Variants in PARP8 observed in about 807,000 individuals in gnomAD.
PARP8 encodes the protein poly(ADP-ribose) polymerase family member 8.
A neutral mutation model predicts 124.1 loss-of-function variants in PARP8; 51 were observed. That is an observed-to-expected ratio of 0.41 (90% confidence interval 0.33 to 0.52). The LOEUF (loss-of-function observed/expected upper bound fraction) is 0.52. PARP8 is among the 20% of genes least tolerant of loss of function. The pLI is 0.21. For synonymous variants in PARP8, 391 were observed against 361.5 expected (o/e 1.08, Z -0.93); for missense variants, 860 against 1,018.9 (o/e 0.84, Z 2.12).
chr5:50,748,919 ATTCT>A (rs1420953846), intron 2 of PARP8, among the ~76,000 whole-genome samples: 1 of 152,116 alleles, frequency 6.6e-6, no homozygotes, highest in Non-Finnish European at 1.5e-5. Flanking sequence ...TTTCTGCATT[ATTCT>A]TTCTTTCTTC....
At chr5:50,699,836 A>G (rs1753402419) in intron 2 of PARP8, among the ~76,000 whole-genome samples, 1 of 152,046 alleles carries the variant, frequency 6.6e-6, no homozygotes, top group Non-Finnish European at 1.5e-5. Context: ...TATCAGTATC[A>G]AGTTGCTAGG....
intron 1 of PARP8, chr5:50,667,672 T>G: frequency 2.9e-6 from 2 of 699,912 alleles, no homozygotes; most frequent in Non-Finnish European, 2.6e-6. Context: ...TTCGGCTCCC[T>G]CTAGTCCCCT....
chr5:50,824,771 GT>G, intron 17 of PARP8, 136 bp from the exon 18 acceptor site: 1 of 654,654 alleles, frequency 1.5e-6, no homozygotes, highest in Non-Finnish European at 2.7e-6. Flanking sequence ...TAGGGCAATT[GT>G]TGTTGTTCCC....
chr5:50,751,480 A>C (rs1291991052), intron 3 of PARP8, among the ~76,000 whole-genome samples: 6 of 152,070 alleles, frequency 3.9e-5, no homozygotes, highest in Non-Finnish European at 1.5e-5. Flanking sequence ...TGCTGCAATA[A>C]AATATGATCA....
intron 14 of PARP8, among the ~76,000 whole-genome samples, chr5:50,798,767 TATGCAC>T (rs1742857802): frequency 6.6e-6 from 1 of 152,176 alleles, no homozygotes. Context: ...GTGGTTTTCT[TATGCAC>T]TTCCCTGATG....
At chr5:50,831,904 G>A (rs1255716812) in intron 22 of PARP8, among the ~76,000 whole-genome samples, 10 of 152,116 alleles carry the variant, frequency 6.6e-5, no homozygotes, top group Admixed American at 3.3e-4. Context: ...AGCATCTGTC[G>A]TTGATTTTGA....
chr5:50,833,007 T>C (rs1747156764), intron 23 of PARP8, among the ~76,000 whole-genome samples, 153 bp downstream of exon 23: 1 of 152,176 alleles, frequency 6.6e-6, no homozygotes, highest in African/African-American at 2.4e-5. Context: ...ATGCAGTAAC[T>C]GAATTGCCTC....
chr5:50,736,743 G>T (rs184498858), intron 2 of PARP8, among the ~76,000 whole-genome samples: 120 of 151,834 alleles, frequency 7.9e-4, no homozygotes, highest in Middle Eastern at 3.4e-3. Context: ...GATCTTTTTT[G>T]CCCTTTTTCA....
At chr5:50,834,181 C>A in intron 24 of PARP8, 133 bp downstream of exon 24, 8 of 703,980 alleles carry the variant, frequency 1.1e-5, no homozygotes, top group Middle Eastern at 4.3e-4. Context: ...TCAAAGGGCA[C>A]AAATGCAAAA....
In PARP8 at chr5:50,733,029, C is replaced by T. The variant is rs542359624; in HGVS notation, c.147-17122C>T. 2.1e-4 allele frequency among the ~76,000 whole-genome samples: 32 copies of T among 151,438 alleles called. No homozygotes were observed. In the South Asian group the frequency reaches 5.7e-3, roughly 27 times the overall value. Reference sequence around the variant, plus strand: ...TTAAAAATGGGTGAAAGGCCGGGCGCGGTGGCTCATGCCTGTAATGCCAGC... The same window carrying T: ...TTAAAAATGGGTGAAAGGCCGGGCGTGGTGGCTCATGCCTGTAATGCCAGC... On this transcript the variant is annotated intron_variant, in intron 2 of 25. Transcript: ENST00000281631.
chr5:50,731,879 A>G (rs186869223), intron 2 of PARP8, among the ~76,000 whole-genome samples: 117 of 152,334 alleles, frequency 7.7e-4, no homozygotes, highest in Middle Eastern at 3.4e-3. Context: ...TCGAACAGAC[A>G]TGAGATTATA....
intron 2 of PARP8, among the ~76,000 whole-genome samples, chr5:50,728,880 T>C (rs1027650119): frequency 6.6e-6 from 1 of 152,092 alleles, no homozygotes; most frequent in African/African-American, 2.4e-5. Flanking sequence ...ATTGGAGATA[T>C]ATATGTACCT....
chr5:50,779,568 A>G (rs1453051487), intron 9 of PARP8, among the ~76,000 whole-genome samples: 7 of 152,172 alleles, frequency 4.6e-5, no homozygotes, highest in Admixed American at 4.6e-4. Context: ...CTGGGATGCA[A>G]ATGCAAGTGT....
chr5:50,782,502 C>T (rs1189941815), intron 9 of PARP8, among the ~76,000 whole-genome samples: 1 of 152,100 alleles, frequency 6.6e-6, no homozygotes, highest in Non-Finnish European at 1.5e-5. Context: ...GAACCTTTAA[C>T]TTATTATTCC....
intron 2 of PARP8, among the ~76,000 whole-genome samples, chr5:50,700,551 T>C (rs999689660): frequency 6.6e-6 from 1 of 152,212 alleles, no homozygotes; most frequent in South Asian, 2.1e-4. Context: ...AAATCTGTAA[T>C]GCAGTGAAAT....
At chr5:50,795,694 G>A (rs1476710363) in intron 12 of PARP8, among the ~76,000 whole-genome samples, 1 of 152,104 alleles carries the variant, frequency 6.6e-6, no homozygotes, top group Non-Finnish European at 1.5e-5. Context: ...AGAAGGAAAC[G>A]CATTGGATTC....
At chr5:50,689,097 CT>C (rs1220753655) in intron 2 of PARP8, among the ~76,000 whole-genome samples, 4 of 135,406 alleles carry the variant, frequency 3.0e-5, no homozygotes, top group Non-Finnish European at 6.1e-5. Context: ...GGCTCTTAAG[CT>C]GCTGTTTTGA....
chr5:50,732,084 C>T (rs1368634949), intron 2 of PARP8, among the ~76,000 whole-genome samples: 1 of 152,166 alleles, frequency 6.6e-6, no homozygotes, highest in Non-Finnish European at 1.5e-5. Flanking sequence ...ACCAGGGTTT[C>T]ATATCACAAA....
At chr5:50,706,674 C>T (rs1320732372) in intron 2 of PARP8, among the ~76,000 whole-genome samples, 2 of 151,986 alleles carry the variant, frequency 1.3e-5, no homozygotes, top group Admixed American at 6.6e-5. Flanking sequence ...TTTCCAGTTT[C>T]TGAATAGGAA....
Sources: allele counts gnomAD v4.1 joint callset (sites outside exome capture counted in the v4.1 genomes callset), GRCh38; gene constraint gnomAD v4.1.1; transcripts MANE v1.5; gene names NCBI Gene and HGNC (gene_info 2026-07-23, HGNC 2026-07-21).